Variants in TLE4 observed in about 807,000 individuals in gnomAD.
The protein encoded by TLE4 is TLE family member 4, transcriptional corepressor.
A neutral mutation model predicts 92.8 loss-of-function variants in TLE4; 8 were observed. The ratio of observed to expected loss-of-function variants is 0.09; its 90% CI spans 0.05 to 0.16. The LOEUF is 0.16. TLE4 is among the 10% of genes least tolerant of loss of function. The pLI is 1.00. For missense variants in TLE4, 675 were observed against 997.6 expected (o/e 0.68, Z 4.36); for synonymous variants, 371 against 374.1 (o/e 0.99, Z 0.10).
chr9:79,626,837 A>T (rs2052742560), intron 5 of TLE4, among the ~76,000 whole-genome samples: 1 of 152,202 alleles, frequency 6.6e-6, no homozygotes, highest in Non-Finnish European at 1.5e-5. Context: ...TTTAATCCCT[A>T]TCTCATGATA....
intron 6 of TLE4, among the ~76,000 whole-genome samples, chr9:79,634,361 ATAGT>A (rs2055144198): frequency 6.6e-6 from 1 of 152,244 alleles, no homozygotes; most frequent in African/African-American, 2.4e-5. Flanking sequence ...GTAAAGAGAA[ATAGT>A]TAATAAAAAA....
chr9:79,582,431 A>G (rs771778300), intron 4 of TLE4, among the ~76,000 whole-genome samples: 4 of 152,176 alleles, frequency 2.6e-5, no homozygotes, highest in Non-Finnish European at 5.9e-5. Context: ...CTACATCTCT[A>G]GGTGCTGTTG....
chr9:79,676,298 T>C (rs981129041), intron 8 of TLE4, among the ~76,000 whole-genome samples: 10 of 152,208 alleles, frequency 6.6e-5, no homozygotes, highest in Admixed American at 6.5e-5. Flanking sequence ...TCTAAATTAA[T>C]TGTTTTCATG....
chr9:79,677,791 C>T (rs145946550), intron 8 of TLE4, among the ~76,000 whole-genome samples: 3 of 152,114 alleles, frequency 2.0e-5, no homozygotes, highest in African/African-American at 4.8e-5. Flanking sequence ...ATTGTTTTCA[C>T]ATCTATAAAA....
At chr9:79,626,941 G>C (rs1422849044) in intron 5 of TLE4, among the ~76,000 whole-genome samples, 3 of 152,150 alleles carry the variant, frequency 2.0e-5, no homozygotes, top group Non-Finnish European at 4.4e-5. Context: ...CCGTTATCGG[G>C]AGAAAATTTA....
At chr9:79,635,947 G>A (rs1311765543) in intron 6 of TLE4, among the ~76,000 whole-genome samples, 2 of 152,078 alleles carry the variant, frequency 1.3e-5, no homozygotes, top group Non-Finnish European at 2.9e-5. Flanking sequence ...ATCAGAAATG[G>A]TGTCTGCTCC....
intron 5 of TLE4, among the ~76,000 whole-genome samples, chr9:79,613,791 T>C (rs926428191): frequency 7.2e-5 from 11 of 152,158 alleles, no homozygotes; most frequent in Admixed American, 3.3e-4. Context: ...TGCAGATTGC[T>C]GTATATGATT....
At chr9:79,649,271 T>TACACAC (rs61394180) in intron 6 of TLE4, among the ~76,000 whole-genome samples, 183 of 147,352 alleles carry the variant, frequency 1.2e-3, no homozygotes, top group African/African-American at 4.4e-3. Context: ...CATACATACA[T>TACACAC]ACACACACAC....
At chr9:79,669,216 G>A (rs1019085632) in intron 8 of TLE4, among the ~76,000 whole-genome samples, 1 of 152,084 alleles carries the variant, frequency 6.6e-6, no homozygotes, top group South Asian at 2.1e-4. Context: ...CAGTGGAGGT[G>A]GTTAGGCTTC....
intron 5 of TLE4, among the ~76,000 whole-genome samples, chr9:79,614,671 C>G (rs1308860927): frequency 6.6e-6 from 1 of 152,154 alleles, no homozygotes; most frequent in Non-Finnish European, 1.5e-5. Flanking sequence ...ATCCTTGACT[C>G]ACGTATAATG....
At chr9:79,643,071 T>C (rs1384768668) in intron 6 of TLE4, among the ~76,000 whole-genome samples, 2 of 152,220 alleles carry the variant, frequency 1.3e-5, no homozygotes, top group African/African-American at 4.8e-5. Flanking sequence ...TTTAGCTTTT[T>C]CTAGAGATAT....
chr9:79,652,469 G>A (rs1004712418), intron 6 of TLE4, 124 bp from the exon 7 acceptor site: 1 of 1,046,306 alleles, frequency 9.6e-7, no homozygotes, highest in African/African-American at 1.6e-5. Context: ...TTACAGGCGT[G>A]AGCCACCGTG....
At chr9:79,682,155 G>T (rs2064835719) in intron 8 of TLE4, among the ~76,000 whole-genome samples, 1 of 151,996 alleles carries the variant, frequency 6.6e-6, no homozygotes, top group African/African-American at 2.4e-5. Flanking sequence ...AAATATACAG[G>T]CTCTTTTTAA....
intron 14 of TLE4, among the ~76,000 whole-genome samples, chr9:79,712,886 A>G (rs572411180): frequency 2.0e-5 from 3 of 152,368 alleles, no homozygotes; most frequent in South Asian, 2.1e-4. Flanking sequence ...AGCAAAAATA[A>G]AAGATCTCAC....
chr9:79,595,451 C>CTAAA (rs1240408903), intron 4 of TLE4, among the ~76,000 whole-genome samples: 2 of 152,150 alleles, frequency 1.3e-5, no homozygotes, highest in Non-Finnish European at 2.9e-5. Flanking sequence ...CTCCATTGAA[C>CTAAA]TAAACGTAGT....
At chr9:79,677,422 C>T (rs1228796063) in intron 8 of TLE4, among the ~76,000 whole-genome samples, 1 of 152,040 alleles carries the variant, frequency 6.6e-6, no homozygotes, top group African/African-American at 2.4e-5. Flanking sequence ...AGGCATTGGG[C>T]TGTGTGCCTT....
intron 13 of TLE4, among the ~76,000 whole-genome samples, chr9:79,709,396 C>T (rs892458306): frequency 1.3e-5 from 2 of 152,120 alleles, no homozygotes; most frequent in Admixed American, 1.3e-4. Flanking sequence ...CCATGAGCTT[C>T]AATAATCATT....
chr9:79,602,135 G>A (rs1279187409), intron 4 of TLE4, among the ~76,000 whole-genome samples: 1 of 152,186 alleles, frequency 6.6e-6, no homozygotes, highest in East Asian at 1.9e-4. Context: ...AAGGTTTGAA[G>A]CTAGCAGAGG....
chr9:79,696,171 A>G (rs2068210184), intron 8 of TLE4, among the ~76,000 whole-genome samples: 1 of 152,252 alleles, frequency 6.6e-6, no homozygotes, highest in Non-Finnish European at 1.5e-5. Flanking sequence ...AAAATGTCAC[A>G]TAATTTTCAT....
Sources: gnomAD v4.1 joint callset for allele counts (sites outside exome capture counted in the v4.1 genomes callset) on GRCh38, gnomAD v4.1.1 for gene constraint, MANE v1.5 for transcripts, NCBI Gene and HGNC (gene_info 2026-07-23, HGNC 2026-07-21) for gene names.